Variants in XKR9 observed in about 807,000 individuals in gnomAD.
XKR9 encodes XK-related protein 9.
XKR9 carries 32 observed loss-of-function variants against 32.0 expected under a neutral mutation model. That is an observed-to-expected ratio of 1.00 (90% confidence interval 0.76 to 1.34). XKR9 has a LOEUF of 1.34. XKR9 is among the 40% of genes most tolerant of loss of function. The pLI is 0.00. For missense variants in XKR9, 546 were observed against 429.7 expected (o/e 1.27, Z -2.39); for synonymous variants, 168 against 143.4 (o/e 1.17, Z -1.22).
chr8:70,740,162 C>A (rs748741820), downstream of XKR9, among the ~76,000 whole-genome samples: 1 of 152,086 alleles, frequency 6.6e-6, no homozygotes, highest in East Asian at 1.9e-4. Flanking sequence ...AGGCTTTGTT[C>A]GTTTCTTTTT....
chr8:70,733,910 T>C lies in XKR9; in HGVS notation c.608T>C (p.Ile203Thr). 6.2e-7 allele frequency: 1 copy of C among 1,612,932 alleles called. No homozygotes were observed. Among genetic ancestry groups the C allele is most frequent in the Non-Finnish European group, 8.5e-7 (1 of 1,179,694 alleles). ...CTTCTTAATGGATTATGTCCCAAAA[T>C]CACATATCTCTTTTACAAGTTGTTT... ...KKLLNGLCPKITYLFYKLFTL... is the reference protein window; with the variant it reads ...KKLLNGLCPKTTYLFYKLFTL... The change falls in exon 5 of 5, where the codon ATC becomes ACC. Residue 203 changes from isoleucine to threonine, a missense_variant. By Grantham distance (89) the Ile-to-Thr change is moderately conservative. Coordinates refer to ENST00000408926, the MANE Select transcript of XKR9 (RefSeq NM_001011720.2).
the XKR9 span, among the ~76,000 whole-genome samples, chr8:70,955,881 A>C: frequency 2.6e-5 from 4 of 152,224 alleles, no homozygotes; most frequent in Non-Finnish European, 5.9e-5. Flanking sequence ...CTCCATGCAA[A>C]GTTGTGGCTG....
At chr8:70,792,630 G>A (rs1030633730), downstream of XKR9, among the ~76,000 whole-genome samples, 2 of 152,112 alleles carry the variant, frequency 1.3e-5, no homozygotes. Context: ...GCCTGACAAG[G>A]CTATTCTCTA....
chr8:70,746,051 G>A (rs1456664649), intron 2 of XKR9, among the ~76,000 whole-genome samples: 1 of 152,112 alleles, frequency 6.6e-6, no homozygotes, highest in African/African-American at 2.4e-5. Flanking sequence ...GTTTGTTACA[G>A]AGATGATTAT....
the XKR9 span, among the ~76,000 whole-genome samples, chr8:71,017,849 T>C: frequency 1.3e-5 from 2 of 152,224 alleles, no homozygotes; most frequent in Admixed American, 6.5e-5. Context: ...ATTCAAATAA[T>C]GGCAGCACTT....
the XKR9 span, among the ~76,000 whole-genome samples, chr8:70,911,362 C>T: frequency 6.6e-6 from 1 of 152,148 alleles, no homozygotes; most frequent in Non-Finnish European, 1.5e-5. Context: ...CCCAACAAAC[C>T]TCATATATGT....
At chr8:71,034,746 C>T in the XKR9 span, among the ~76,000 whole-genome samples, 1 of 151,956 alleles carries the variant, frequency 6.6e-6, no homozygotes. Context: ...CAGCTGCGGT[C>T]CCGGACGTCA....
the XKR9 span, among the ~76,000 whole-genome samples, chr8:70,839,724 G>T: frequency 2.0e-5 from 3 of 152,090 alleles, no homozygotes; most frequent in African/African-American, 7.2e-5. Context: ...CAATAAAAAA[G>T]AAACCACCAC....
the XKR9 span, among the ~76,000 whole-genome samples, chr8:70,871,495 T>A: frequency 1.3e-5 from 2 of 152,228 alleles, no homozygotes; most frequent in African/African-American, 4.8e-5. Context: ...CATTATTATA[T>A]AGCTTCTATG....
At chr8:71,012,332 T>C in the XKR9 span, among the ~76,000 whole-genome samples, 1 of 152,204 alleles carries the variant, frequency 6.6e-6, no homozygotes, top group African/African-American at 2.4e-5. Flanking sequence ...CAGAATCCTC[T>C]AATCTTTTAT....
intron 3 of XKR9, among the ~76,000 whole-genome samples, chr8:70,705,911 G>A (rs1258554880): frequency 2.0e-5 from 3 of 152,082 alleles, no homozygotes; most frequent in Admixed American, 6.5e-5. Context: ...GGTAAGAAGT[G>A]TTTAGATTCT....
chr8:70,914,626 T>C, the XKR9 span, among the ~76,000 whole-genome samples: 2 of 152,162 alleles, frequency 1.3e-5, no homozygotes, highest in Non-Finnish European at 2.9e-5. Flanking sequence ...CACACGTCTT[T>C]TGTTGGATAT....
chr8:70,721,769 G>A (rs555268375), intron 4 of XKR9, among the ~76,000 whole-genome samples: 67 of 152,198 alleles, frequency 4.4e-4, no homozygotes, highest in Admixed American at 8.5e-4. Flanking sequence ...TGAGAAGAAT[G>A]TATATTCTGT....
At chr8:70,876,891 G>T in the XKR9 span, among the ~76,000 whole-genome samples, 1 of 152,200 alleles carries the variant, frequency 6.6e-6, no homozygotes, top group Admixed American at 6.5e-5. Context: ...ATGTAGTACT[G>T]TTGTGTAAAA....
chr8:70,943,091 A>G, the XKR9 span, among the ~76,000 whole-genome samples: 1 of 152,218 alleles, frequency 6.6e-6, no homozygotes, highest in African/African-American at 2.4e-5. Flanking sequence ...GGAATGAAGA[A>G]AAAGCTTTCC....
chr8:70,685,073 T>C (rs1819216954), intron 3 of XKR9, among the ~76,000 whole-genome samples: 1 of 150,596 alleles, frequency 6.6e-6, no homozygotes. Context: ...CTATTCACAA[T>C]AGCAAAGACT....
the XKR9 span, among the ~76,000 whole-genome samples, chr8:70,890,191 C>A: frequency 6.6e-6 from 1 of 151,786 alleles, no homozygotes; most frequent in Non-Finnish European, 1.5e-5. Flanking sequence ...AACATTTTTT[C>A]ATATGTTTGT....
intron 4 of XKR9, among the ~76,000 whole-genome samples, chr8:70,714,504 A>G (rs937426143): frequency 1.3e-5 from 2 of 152,062 alleles, no homozygotes; most frequent in African/African-American, 2.4e-5. Flanking sequence ...AATAGAAAAA[A>G]TAATTCAATC....
At chr8:70,769,228 C>A (rs1040880093) in intron 2 of XKR9, among the ~76,000 whole-genome samples, 27 of 132,896 alleles carry the variant, frequency 2.0e-4, no homozygotes, top group Admixed American at 2.0e-3. Context: ...GTTGAAAAAT[C>A]TTTTTTTTTT....
Sources: gnomAD v4.1 joint callset for allele counts (sites outside exome capture counted in the v4.1 genomes callset) on GRCh38, gnomAD v4.1.1 for gene constraint, MANE v1.5 for transcripts, NCBI Gene and HGNC (gene_info 2026-07-23, HGNC 2026-07-21) for gene names.